The following HRH1 variants were observed in gnomAD, a reference collection of about 807,000 sequenced individuals.
HRH1 encodes histamine H1 receptor.
Under a neutral mutation model 10.3 loss-of-function variants are expected in HRH1, and 6 were observed. The ratio of observed to expected loss-of-function variants is 0.58; its 90% CI spans 0.32 to 1.15. The LOEUF is 1.15. Among genes scored for constraint, HRH1 ranks in the 50% most tolerant of loss-of-function variants. HRH1 has a pLI of 0.05. For missense variants in HRH1, 514 were observed against 615.3 expected (o/e 0.84, Z 1.74); for synonymous variants, 242 against 236.7 (o/e 1.02, Z -0.21).
intron 1 of HRH1, among the ~76,000 whole-genome samples, chr3:11,203,088 A>G (rs1366108500): frequency 1.3e-5 from 2 of 152,142 alleles, no homozygotes; most frequent in African/African-American, 4.8e-5. Flanking sequence ...TTGATAGCTT[A>G]TTTATTTTTA....
At chr3:11,202,349 G>A (rs139292468) in intron 1 of HRH1, among the ~76,000 whole-genome samples, 1,951 of 151,410 alleles carry the variant, frequency 0.013, 26 homozygotes, top group Non-Finnish European at 0.018. Flanking sequence ...AGGTTGCAGT[G>A]AGCCAAGATC....
intron 1 of HRH1, among the ~76,000 whole-genome samples, chr3:11,143,242 G>C (rs1194984946): frequency 6.6e-6 from 1 of 152,206 alleles, no homozygotes; most frequent in Non-Finnish European, 1.5e-5. Context: ...TTTTTAGTAA[G>C]AGTGATCTGA....
intron 1 of HRH1, among the ~76,000 whole-genome samples, chr3:11,180,401 G>A (rs548978838): frequency 8.5e-5 from 13 of 152,220 alleles, no homozygotes; most frequent in East Asian, 1.9e-4. Context: ...CGTAAGGAGC[G>A]TGCAACCTAG....
intron 1 of HRH1, among the ~76,000 whole-genome samples, chr3:11,246,090 ACACT>A (rs1173508940): frequency 6.6e-6 from 1 of 152,108 alleles, no homozygotes; most frequent in East Asian, 1.9e-4. Context: ...ACACACATTC[ACACT>A]CACACACACA....
At chr3:11,194,676 A>C (rs964346117) in intron 1 of HRH1, among the ~76,000 whole-genome samples, 2 of 152,178 alleles carry the variant, frequency 1.3e-5, no homozygotes, top group African/African-American at 4.8e-5. Context: ...TTAGCTGGAC[A>C]TGGTGGCGTG....
At chr3:11,222,475 T>C (rs1401074051) in intron 1 of HRH1, among the ~76,000 whole-genome samples, 1 of 152,222 alleles carries the variant, frequency 6.6e-6, no homozygotes, top group East Asian at 1.9e-4. Context: ...CGCATCCATT[T>C]ATTCCACTTC....
At chr3:11,198,749 A>AAG (rs1479218444) in intron 1 of HRH1, among the ~76,000 whole-genome samples, 1 of 151,810 alleles carries the variant, frequency 6.6e-6, no homozygotes, top group Non-Finnish European at 1.5e-5. Context: ...AAAAAAAAAA[A>AAG]AAATGGGCGG....
chr3:11,202,944 T>C (rs1937985616), intron 1 of HRH1, among the ~76,000 whole-genome samples: 1 of 152,232 alleles, frequency 6.6e-6, no homozygotes, highest in African/African-American at 2.4e-5. Context: ...TAACCATTGA[T>C]CTTTTTACTG....
At chr3:11,175,135 C>T (rs745736803) in intron 1 of HRH1, among the ~76,000 whole-genome samples, 4 of 152,170 alleles carry the variant, frequency 2.6e-5, no homozygotes, top group Admixed American at 6.5e-5. Context: ...AGGGTCCCAG[C>T]TGGGGAGGAT....
At chr3:11,241,861 A>G (rs1033279845) in intron 1 of HRH1, among the ~76,000 whole-genome samples, 3 of 151,150 alleles carry the variant, frequency 2.0e-5, no homozygotes, top group Non-Finnish European at 4.4e-5. Context: ...TGCACCAATC[A>G]GTGCTCTCTA....
intron 1 of HRH1, among the ~76,000 whole-genome samples, chr3:11,143,522 A>T (rs1016453384): frequency 1.3e-5 from 2 of 152,214 alleles, no homozygotes; most frequent in Non-Finnish European, 2.9e-5. Context: ...TTCCCCACGA[A>T]GTTTTCCCAA....
chr3:11,202,291 G>T (rs1937950089), intron 1 of HRH1, among the ~76,000 whole-genome samples: 1 of 151,840 alleles, frequency 6.6e-6, no homozygotes, highest in Non-Finnish European at 1.5e-5. Context: ...TGTAATCCCA[G>T]CTACTCGGGA....
At chr3:11,203,864 G>A (rs754843103) in intron 1 of HRH1, among the ~76,000 whole-genome samples, 1 of 152,030 alleles carries the variant, frequency 6.6e-6, no homozygotes, top group African/African-American at 2.4e-5. Flanking sequence ...TAATCAGTTT[G>A]CTTATATCCA....
chr3:11,196,409 A>ATT (rs561535970), intron 1 of HRH1, among the ~76,000 whole-genome samples: 10 of 150,098 alleles, frequency 6.7e-5, no homozygotes, highest in South Asian at 4.2e-4. Context: ...TGATTCCTTG[A>ATT]TTTTTTTTTT....
chr3:11,173,861 A>G (rs1366943791), intron 1 of HRH1, among the ~76,000 whole-genome samples: 1 of 152,210 alleles, frequency 6.6e-6, no homozygotes, highest in Non-Finnish European at 1.5e-5. Flanking sequence ...GATTCAGTCC[A>G]AAGACAGACT....
In HRH1 at chr3:11,259,434, C is replaced by T. The variant is rs756949319; in HGVS notation, c.397C>T (p.Leu133Phe). 4 of 1,613,826 alleles carry T rather than the reference C, an allele frequency of 2.5e-6. No homozygotes were observed. Among genetic ancestry groups the T allele is most frequent in the Admixed American group, 3.3e-5 (2 of 59,986 alleles). Residue 133 changes from leucine (L) to phenylalanine (F), a missense_variant, in exon 2 of 2, where the codon CTC becomes TTC. Leu to Phe is a conservative substitution (Grantham distance 22). Coordinates refer to ENST00000431010, the MANE Select transcript of HRH1 (RefSeq NM_001098212.2). This position sits in a 1 kb window ranked among gnomAD's most constrained non-coding sequence, Gnocchi z 4.6. ...IDRYRSVQQP[L>F]RYLKYRTKTR... ...TCGCTACCGCTCTGTCCAGCAGCCCCTCAGGTACCTTAAGTATCGTACCAA... is the reference window on the plus strand; with the variant it reads ...TCGCTACCGCTCTGTCCAGCAGCCCTTCAGGTACCTTAAGTATCGTACCAA...
intron 1 of HRH1, among the ~76,000 whole-genome samples, chr3:11,198,736 G>GAA (rs59389294): frequency 0.037 from 4,661 of 124,652 alleles, 125 homozygotes; most frequent in Non-Finnish European, 0.06. Context: ...GACCCTATCT[G>GAA]AAAAAAAAAA....
chr3:11,242,444 G>C (rs1280376641), intron 1 of HRH1, among the ~76,000 whole-genome samples: 2 of 123,212 alleles, frequency 1.6e-5, no homozygotes, highest in Non-Finnish European at 1.6e-5. Context: ...TCATGCCACT[G>C]CACTCCAGCC....
At chr3:11,180,948 TACACACACACACACACACAC>T (rs71055851) in intron 1 of HRH1, among the ~76,000 whole-genome samples, 159 of 121,116 alleles carry the variant, frequency 1.3e-3, no homozygotes, top group African/African-American at 4.2e-3. Context: ...CTCTCAGGCA[TACACACACACACACACACAC>T]ACACACACAC....
Sources: gnomAD v4.1 joint callset for allele counts (sites outside exome capture counted in the v4.1 genomes callset) on GRCh38, gnomAD v4.1.1 for gene constraint, Gnocchi (gnomAD v3.1) non-coding constraint, MANE v1.5 for transcripts, NCBI Gene and HGNC (gene_info 2026-07-23, HGNC 2026-07-21) for gene names.